The following TTLL11 variants were observed in gnomAD, a reference collection of about 807,000 sequenced individuals.
TTLL11 encodes the protein tubulin polyglutamylase TTLL11.
TTLL11 carries 42 observed loss-of-function variants against 51.7 expected under a neutral mutation model. The observed-to-expected ratio is 0.81, with a 90% CI of 0.64 to 1.05. The LOEUF (loss-of-function observed/expected upper bound fraction) is 1.05. TTLL11 is among the 50% of genes least tolerant of loss of function. TTLL11 has a pLI of 0.00. For synonymous variants in TTLL11, 381 were observed against 383.5 expected (o/e 0.99, Z 0.08); for missense variants, 799 against 940.4 (o/e 0.85, Z 1.97).
intron 1 of TTLL11, among the ~76,000 whole-genome samples, chr9:122,046,971 CT>C (rs769538297): frequency 1.3e-5 from 2 of 152,214 alleles, no homozygotes; most frequent in Non-Finnish European, 2.9e-5. Context: ...TGGGAAATGT[CT>C]GCCTTCGGAG....
intron 1 of TTLL11, among the ~76,000 whole-genome samples, chr9:122,046,101 C>A (rs1358236444): frequency 6.6e-6 from 1 of 152,102 alleles, no homozygotes; most frequent in African/African-American, 2.4e-5. Flanking sequence ...TCTACTTAAG[C>A]CCCCTGATAG....
At chr9:122,020,706 G>A (rs200225669) in intron 3 of TTLL11, among the ~76,000 whole-genome samples, 2 of 152,222 alleles carry the variant, frequency 1.3e-5, no homozygotes, top group East Asian at 3.8e-4. Context: ...ATTAGAGCAT[G>A]GAGGTGGACC....
At chr9:121,884,876 AT>A (rs1462682233) in intron 6 of TTLL11, 1 of 152,192 alleles carries the variant, frequency 6.6e-6, no homozygotes, top group Non-Finnish European at 1.5e-5. Flanking sequence ...GCAATTTCCC[AT>A]TCCTGACCTA....
intron 6 of TTLL11, among the ~76,000 whole-genome samples, chr9:121,963,105 C>T (rs922288933): frequency 2.6e-5 from 4 of 151,518 alleles, no homozygotes; most frequent in African/African-American, 7.3e-5. Context: ...CTCCAAGCCT[C>T]GATGTCCTCA....
intron 3 of TTLL11, among the ~76,000 whole-genome samples, chr9:122,000,248 G>T (rs1489645510): frequency 6.6e-6 from 1 of 152,066 alleles, no homozygotes; most frequent in Non-Finnish European, 1.5e-5. Context: ...GAGGCAGGCG[G>T]ATCACGAGGT....
chr9:122,026,348 G>T (rs1025315379), intron 3 of TTLL11, among the ~76,000 whole-genome samples: 18 of 151,198 alleles, frequency 1.2e-4, no homozygotes, highest in African/African-American at 4.4e-4. Flanking sequence ...TGAGGCAGGA[G>T]AATTGCTTGA....
At chr9:122,092,580 A>G in intron 1 of TTLL11, 107 bp downstream of exon 1, 1 of 1,473,372 alleles carries the variant, frequency 6.8e-7, no homozygotes. Flanking sequence ...GGTGCACCGC[A>G]GGAGCTCAGC....
rs573343911 is a variant in TTLL11, at chr9:121,978,269, T to C, written c.1270-3290A>G. Among the ~76,000 whole-genome samples the C allele has an allele frequency of 8.5e-5, 13 of 152,260 alleles. No individual in the cohort carries two copies. The East Asian group carries it at 9.6e-4, about 11-fold the overall frequency. ...AACAGAATCACAGAACTGGGAGATA[T>C]GTAGAGTTATCTTGTCATAAAATCA... is the stretch of plus-strand genomic sequence containing the variant. On this transcript the variant is annotated intron_variant, in intron 4 of 8. Coordinates refer to ENST00000321582, the MANE Select transcript of TTLL11 (RefSeq NM_001139442.2).
intron 8 of TTLL11, among the ~76,000 whole-genome samples, chr9:121,856,064 GGGTCCCCAC>G (rs1837808791): frequency 6.6e-6 from 1 of 152,110 alleles, no homozygotes; most frequent in Non-Finnish European, 1.5e-5. Context: ...TCAAATACTA[GGGTCCCCAC>G]TGTAATATAT....
intron 1 of TTLL11, among the ~76,000 whole-genome samples, chr9:122,054,568 C>T (rs1845242962): frequency 6.6e-6 from 1 of 152,052 alleles, no homozygotes; most frequent in Non-Finnish European, 1.5e-5. Context: ...GTTCTTTTTC[C>T]ACTTTCCAAT....
chr9:121,917,625 G>A (rs966659831), intron 6 of TTLL11, among the ~76,000 whole-genome samples: 14 of 144,002 alleles, frequency 9.7e-5, no homozygotes, highest in African/African-American at 3.1e-4. Context: ...GGGAAGGGGA[G>A]GGAAGGGAGG....
intron 6 of TTLL11, among the ~76,000 whole-genome samples, chr9:121,895,628 C>G: frequency 7.6e-6 from 1 of 132,258 alleles, no homozygotes; most frequent in East Asian, 2.5e-4. Flanking sequence ...AACATGTGGT[C>G]ATGTGTGCTT....
intron 6 of TTLL11, among the ~76,000 whole-genome samples, chr9:121,917,018 G>T (rs936604067): frequency 6.6e-6 from 1 of 152,170 alleles, no homozygotes; most frequent in South Asian, 2.1e-4. Context: ...CTTCAGAAGA[G>T]GCTGACCCCA....
At chr9:122,014,122 T>A (rs1220852317) in intron 3 of TTLL11, among the ~76,000 whole-genome samples, 1 of 152,094 alleles carries the variant, frequency 6.6e-6, no homozygotes, top group Non-Finnish European at 1.5e-5. Flanking sequence ...CCCAGTACTT[T>A]GGGAGGCAGA....
chr9:122,034,641 G>A (rs1222310791), intron 2 of TTLL11, among the ~76,000 whole-genome samples: 1 of 152,148 alleles, frequency 6.6e-6, no homozygotes, highest in African/African-American at 2.4e-5. Context: ...AACCCACATG[G>A]AAGCTCCTGG....
In TTLL11 at chr9:122,004,523, A is replaced by AT. The variant is rs543517678; in HGVS notation, c.694-14754dup. 4.5e-3 allele frequency among the ~76,000 whole-genome samples: 682 copies of AT among 150,828 alleles called. 6 individuals are homozygous for AT. Among genetic ancestry groups the AT allele is most frequent in the Middle Eastern group, 6.8e-3 (2 of 292 alleles). ...CACCACCATGCCCAGCTAATTTTGT[A>AT]TTTTTTTTTAGCAGAGACAGTGTTT... On this transcript the variant is annotated intron_variant, in intron 3 of 8. Transcript: ENST00000321582.
chr9:121,822,527 G>C lies in TTLL11; in HGVS notation c.*60C>G. ...CATTCCTCTGCAGGCAGAATGCCTG[G>C]GGCGCTCCAGCCCTGAAAGCTGCTC... is the stretch of plus-strand genomic sequence containing the variant. On this transcript the variant is annotated 3_prime_UTR_variant, in exon 9 of 9. Transcript: ENST00000321582. This position sits in a 1 kb window ranked among gnomAD's most constrained non-coding sequence, Gnocchi z 5.8. 1.4e-6 allele frequency: 2 copies of C among 1,396,208 alleles called. No homozygotes were observed. Among genetic ancestry groups the C allele is most frequent in the South Asian group, 1.6e-5 (1 of 60,802 alleles). The allele number at this position is 1,396,208 out of a possible 1,614,324, so 86.5% of individuals were successfully genotyped here. A position where few individuals can be genotyped will look rare whatever the true frequency, so the allele number is the denominator to read the frequency against.
chr9:121,950,545 T>G (rs1841820886), intron 6 of TTLL11, among the ~76,000 whole-genome samples: 1 of 152,220 alleles, frequency 6.6e-6, no homozygotes, highest in African/African-American at 2.4e-5. Flanking sequence ...AGGTAGAGTC[T>G]GACCTGAGGC....
chr9:122,050,498 T>C (rs1216647206), intron 1 of TTLL11, among the ~76,000 whole-genome samples: 2 of 152,164 alleles, frequency 1.3e-5, no homozygotes, highest in African/African-American at 4.8e-5. Context: ...CTCCCTCACC[T>C]GACAGATGCT....
Sources: gnomAD v4.1 joint callset for allele counts (sites outside exome capture counted in the v4.1 genomes callset) on GRCh38, gnomAD v4.1.1 for gene constraint, Gnocchi (gnomAD v3.1) non-coding constraint, MANE v1.5 for transcripts, NCBI Gene and HGNC (gene_info 2026-07-23, HGNC 2026-07-21) for gene names.